Variants in SORCS1 observed in about 807,000 individuals in gnomAD.
SORCS1 encodes sortilin related VPS10 domain containing receptor 1.
Under a neutral mutation model 146.1 loss-of-function variants are expected in SORCS1, and 60 were observed. The observed-to-expected ratio is 0.41, with a 90% CI of 0.33 to 0.51. The LOEUF (loss-of-function observed/expected upper bound fraction) is 0.51, where lower values mean the gene tolerates loss of function less well. Among genes scored for constraint, SORCS1 ranks in the 20% least tolerant of loss-of-function variants. The pLI is 0.21. For missense variants in SORCS1, 1,352 were observed against 1,487.6 expected (o/e 0.91, Z 1.50); for synonymous variants, 637 against 584.0 (o/e 1.09, Z -1.31).
At chr10:106,878,795 C>T (rs771090928) in intron 2 of SORCS1, among the ~76,000 whole-genome samples, 2 of 150,164 alleles carry the variant, frequency 1.3e-5, no homozygotes, top group African/African-American at 2.5e-5. Flanking sequence ...GCATTTTTTA[C>T]ATATACTAAT....
chr10:107,133,718 T>C (rs576887651), intron 1 of SORCS1, among the ~76,000 whole-genome samples: 1 of 152,324 alleles, frequency 6.6e-6, no homozygotes, highest in South Asian at 2.1e-4. Context: ...TGCATGTATG[T>C]AACTGCTGGC....
chr10:107,028,303 T>A (rs1958495329), intron 1 of SORCS1, among the ~76,000 whole-genome samples: 1 of 152,190 alleles, frequency 6.6e-6, no homozygotes, highest in South Asian at 2.1e-4. Context: ...CCCATCCTTT[T>A]CCTCTTGTGA....
intron 1 of SORCS1, among the ~76,000 whole-genome samples, chr10:107,127,266 T>C (rs182227889): frequency 2.2e-4 from 33 of 152,262 alleles, no homozygotes; most frequent in Admixed American, 2.0e-3. Context: ...CTTATTCTTA[T>C]GTGCCTGGAA....
chr10:107,142,244 T>A (rs1967905841), intron 1 of SORCS1, among the ~76,000 whole-genome samples: 1 of 152,140 alleles, frequency 6.6e-6, no homozygotes. Flanking sequence ...GCCCAGGAGA[T>A]GCAGATTCTA....
chr10:107,162,228 C>T (rs1969766742), intron 1 of SORCS1, among the ~76,000 whole-genome samples: 1 of 152,176 alleles, frequency 6.6e-6, no homozygotes, highest in East Asian at 1.9e-4. Context: ...TGATATTTTA[C>T]AGCTTGAATT....
chr10:106,804,436 C>T (rs1381241042), intron 3 of SORCS1, among the ~76,000 whole-genome samples: 2 of 151,476 alleles, frequency 1.3e-5, no homozygotes, highest in African/African-American at 4.8e-5. Context: ...AAGAATAATC[C>T]TTCTACGTGG....
intron 19 of SORCS1, among the ~76,000 whole-genome samples, chr10:106,625,262 G>GGCCT (rs983137503): frequency 1.3e-4 from 20 of 149,464 alleles, no homozygotes; most frequent in South Asian, 8.6e-4. Flanking sequence ...TGGCTGCTCT[G>GGCCT]GCCTGCCTGC....
intron 25 of SORCS1, chr10:106,578,879 CT>C: frequency 7.1e-7 from 1 of 1,401,442 alleles, no homozygotes; most frequent in Non-Finnish European, 9.2e-7. Context: ...GAGGAATAAA[CT>C]AATGAGAGAA....
chr10:106,718,121 G>A (rs529679964), intron 6 of SORCS1, among the ~76,000 whole-genome samples: 1 of 152,326 alleles, frequency 6.6e-6, no homozygotes, highest in Admixed American at 6.5e-5. Flanking sequence ...CATTATTCCA[G>A]AAAGAAGGAG....
chr10:106,989,675 T>TTTTTG (rs1215418764), intron 1 of SORCS1, among the ~76,000 whole-genome samples: 56 of 83,280 alleles, frequency 6.7e-4, no homozygotes, highest in African/African-American at 1.8e-3. Context: ...TTTCTGTTTT[T>TTTTTG]TTTTGTTTTT....
At chr10:106,947,195 T>C (rs1954391502) in intron 2 of SORCS1, among the ~76,000 whole-genome samples, 1 of 152,246 alleles carries the variant, frequency 6.6e-6, no homozygotes, top group Non-Finnish European at 1.5e-5. Flanking sequence ...AAACTATTAT[T>C]GCTTGCACGT....
chr10:106,983,878 A>G (rs763848426), intron 1 of SORCS1, among the ~76,000 whole-genome samples: 1 of 152,248 alleles, frequency 6.6e-6, no homozygotes, highest in African/African-American at 2.4e-5. Context: ...ACCAAACAGC[A>G]TAATTCTTGT....
At chr10:106,919,153 G>C (rs1191496527) in intron 2 of SORCS1, among the ~76,000 whole-genome samples, 1 of 152,146 alleles carries the variant, frequency 6.6e-6, no homozygotes, top group Non-Finnish European at 1.5e-5. Flanking sequence ...TTGTGCATTT[G>C]AATGTCTTCT....
chr10:107,105,458 TAGTCCC>T (rs1052436682), intron 1 of SORCS1, among the ~76,000 whole-genome samples: 4 of 152,182 alleles, frequency 2.6e-5, no homozygotes, highest in African/African-American at 9.7e-5. Context: ...GCAAGGAAGC[TAGTCCC>T]AGTCCCAAAA....
chr10:106,640,152 CAAGT>C (rs1197630846), intron 18 of SORCS1, among the ~76,000 whole-genome samples: 1 of 152,194 alleles, frequency 6.6e-6, no homozygotes, highest in Non-Finnish European at 1.5e-5. Flanking sequence ...TGAATTCAGA[CAAGT>C]GAGTATCTTG....
chr10:106,982,390 T>C (rs1024647296), intron 1 of SORCS1, among the ~76,000 whole-genome samples: 2 of 152,194 alleles, frequency 1.3e-5, no homozygotes, highest in African/African-American at 4.8e-5. Flanking sequence ...TTTTTCAACA[T>C]ACTGTATATT....
chr10:107,084,350 G>T (rs930809138), intron 1 of SORCS1, among the ~76,000 whole-genome samples: 1 of 150,282 alleles, frequency 6.7e-6, no homozygotes, highest in Non-Finnish European at 1.5e-5. Flanking sequence ...TGATCCGCCC[G>T]CCTCAGCCTC....
rs568369931 is a variant in SORCS1 at position 106,867,518 on chromosome 10, C to T, written c.627-37845G>A. 7.2e-5 allele frequency among the ~76,000 whole-genome samples: 11 copies of T among 152,092 alleles called. No individual in the cohort carries two copies. In the East Asian group the frequency reaches 1.7e-3, roughly 24 times the overall value. Reference sequence around the variant, plus strand: ...CAGGATGGTCTCAATCTCCTGACCTCGTGATCCGCCCGCCTTGGCCTCCCA... The same window carrying T: ...CAGGATGGTCTCAATCTCCTGACCTTGTGATCCGCCCGCCTTGGCCTCCCA... On this transcript the variant is annotated intron_variant, in intron 2 of 25. Coordinates refer to ENST00000263054, the MANE Select transcript of SORCS1 (RefSeq NM_052918.5).
In SORCS1 at chr10:106,776,624, A is replaced by G. The variant is rs764997001; in HGVS notation, c.795T>C (p.Tyr265=). The G allele has an allele frequency of 6.2e-7, 1 of 1,614,100 alleles. No homozygotes were observed. The highest frequency in any genetic ancestry group is 8.5e-7 in the Non-Finnish European group (1 of 1,179,962). Residue 265 remains tyrosine (Y), a synonymous_variant, in exon 4 of 26, where the codon TAT becomes TAC. Transcript: ENST00000263054. ...TGTAGAAGTTCAGCCGGTACTTTTG[A>G]TAAGTTGCCCCTTCATCTGAGCTGA... ...LLISSDEGAT[Y]QKYRLNFYIQ...
Sources: gnomAD v4.1 joint callset for allele counts (sites outside exome capture counted in the v4.1 genomes callset) on GRCh38, gnomAD v4.1.1 for gene constraint, MANE v1.5 for transcripts, NCBI Gene and HGNC (gene_info 2026-07-23, HGNC 2026-07-21) for gene names.